Variants in SYNPR observed in about 807,000 individuals in gnomAD.
SYNPR encodes synaptoporin.
SYNPR carries 23 observed loss-of-function variants against 32.9 expected under a neutral mutation model. The observed-to-expected ratio is 0.70, with a 90% confidence interval of 0.50 to 0.99. SYNPR has a LOEUF of 0.99. Among genes scored for constraint, SYNPR ranks in the 50% least tolerant of loss-of-function variants. The pLI is 0.00. For missense variants in SYNPR, 318 were observed against 349.3 expected (o/e 0.91, Z 0.71); for synonymous variants, 146 against 135.9 (o/e 1.07, Z -0.52).
intron 2 of SYNPR, among the ~76,000 whole-genome samples, chr3:63,369,887 A>G (rs942725054): frequency 6.6e-6 from 1 of 152,196 alleles, no homozygotes; most frequent in Admixed American, 6.5e-5. Context: ...CATGAAGACT[A>G]AGAAGAATTT....
chr3:63,344,284 A>G (rs184735028), intron 2 of SYNPR, among the ~76,000 whole-genome samples: 12 of 152,282 alleles, frequency 7.9e-5, no homozygotes, highest in Admixed American at 7.8e-4. Flanking sequence ...TGTCTGCTGC[A>G]CTTCTTCTCT....
At chr3:63,279,441 T>C (rs1418775782) in intron 2 of SYNPR, among the ~76,000 whole-genome samples, 1 of 152,120 alleles carries the variant, frequency 6.6e-6, no homozygotes, top group Non-Finnish European at 1.5e-5. Flanking sequence ...CTTTAGGAAG[T>C]TGTATTCCAC....
At chr3:63,411,326 G>C (rs1194234379) in intron 2 of SYNPR, among the ~76,000 whole-genome samples, 10 of 152,078 alleles carry the variant, frequency 6.6e-5, no homozygotes, top group Admixed American at 6.6e-4. Flanking sequence ...TGTCCTCTTA[G>C]ATCTGTTTGT....
intron 2 of SYNPR, among the ~76,000 whole-genome samples, chr3:63,257,079 C>T (rs1260428405): frequency 6.6e-6 from 1 of 152,006 alleles, no homozygotes; most frequent in Admixed American, 6.6e-5. Flanking sequence ...GTGAAAAGAC[C>T]AAATCTATAT....
chr3:63,307,922 AGTTC>A (rs1274602860), intron 2 of SYNPR, among the ~76,000 whole-genome samples: 1 of 152,032 alleles, frequency 6.6e-6, no homozygotes, highest in Non-Finnish European at 1.5e-5. Flanking sequence ...AGAAGAACAT[AGTTC>A]GTGGCTTTTA....
intron 2 of SYNPR, among the ~76,000 whole-genome samples, chr3:63,468,076 C>T (rs569555025): frequency 2.0e-4 from 30 of 151,614 alleles, no homozygotes; most frequent in Non-Finnish European, 3.8e-4. Flanking sequence ...GCACATGCGT[C>T]CCAGCTACGT....
At chr3:63,309,018 G>A (rs2086935463) in intron 2 of SYNPR, among the ~76,000 whole-genome samples, 1 of 151,960 alleles carries the variant, frequency 6.6e-6, no homozygotes, top group Non-Finnish European at 1.5e-5. Context: ...GATCACTGAT[G>A]CGCTGTTCAT....
At chr3:63,417,003 A>T (rs1202543432) in intron 2 of SYNPR, among the ~76,000 whole-genome samples, 1 of 152,168 alleles carries the variant, frequency 6.6e-6, no homozygotes, top group Admixed American at 6.5e-5. Context: ...TGCCTTCCCA[A>T]CAGTCCCCCA....
chr3:63,611,730 T>C (rs757039688), intron 5 of SYNPR, among the ~76,000 whole-genome samples: 1 of 152,222 alleles, frequency 6.6e-6, no homozygotes. Flanking sequence ...CTCTGCAGTT[T>C]CTAAGTTTAT....
upstream of SYNPR, among the ~76,000 whole-genome samples, chr3:63,227,153 T>C (rs928118847): frequency 6.6e-6 from 1 of 152,212 alleles, no homozygotes; most frequent in Non-Finnish European, 1.5e-5. Context: ...TTATCCACTT[T>C]TGGGAGGGGC....
At chr3:63,589,164 C>T (rs1253088519) in intron 4 of SYNPR, among the ~76,000 whole-genome samples, 1 of 152,096 alleles carries the variant, frequency 6.6e-6, no homozygotes, top group Admixed American at 6.6e-5. Context: ...AGTCCTGAGA[C>T]TGCTTTGAGA....
At chr3:63,240,980 C>A (rs7428675) in intron 1 of SYNPR, among the ~76,000 whole-genome samples, 1 of 151,982 alleles carries the variant, frequency 6.6e-6, no homozygotes, top group South Asian at 2.1e-4. Context: ...AGACCAAGTT[C>A]TAAAGCAGGA....
chr3:63,457,305 T>C (rs1479165757), intron 2 of SYNPR, among the ~76,000 whole-genome samples: 1 of 152,166 alleles, frequency 6.6e-6, no homozygotes, highest in East Asian at 1.9e-4. Context: ...ATACTTTTTA[T>C]TCTAGTCATG....
At position 63,479,109 on chromosome 3, in the gene SYNPR, C is replaced by T. The variant is rs1700991958; in HGVS notation, c.85-1723C>T. ...ATAGCTTCTGAATGCTTCATCAAAT[C>T]CTGTGCAACGAAAGCTAACAAAGTT... On this transcript the variant is annotated intron_variant, in intron 2 of 5. Transcript: ENST00000478300. Among the ~76,000 whole-genome samples, 6 of 152,230 alleles carry T rather than the reference C, an allele frequency of 3.9e-5. No individual in the cohort carries two copies. In the South Asian group the frequency reaches 1.2e-3, roughly 32 times the overall value.
chr3:63,263,749 G>A (rs1363762448), intron 2 of SYNPR, among the ~76,000 whole-genome samples: 1 of 152,204 alleles, frequency 6.6e-6, no homozygotes, highest in East Asian at 1.9e-4. Context: ...TACCCTGGCT[G>A]TGCAGTGGGT....
chr3:63,338,191 G>C (rs1226041666), intron 2 of SYNPR, among the ~76,000 whole-genome samples: 2 of 152,122 alleles, frequency 1.3e-5, no homozygotes, highest in Non-Finnish European at 2.9e-5. Flanking sequence ...AATAAATAAA[G>C]TTTATTTGTT....
intron 2 of SYNPR, among the ~76,000 whole-genome samples, chr3:63,309,816 C>T (rs2086944930): frequency 6.6e-6 from 1 of 152,012 alleles, no homozygotes; most frequent in Non-Finnish European, 1.5e-5. Flanking sequence ...CTCTGTGCTA[C>T]ACACTTTATC....
At chr3:63,421,073 A>C (rs1699789321) in intron 2 of SYNPR, among the ~76,000 whole-genome samples, 1 of 151,936 alleles carries the variant, frequency 6.6e-6, no homozygotes, top group Non-Finnish European at 1.5e-5. Context: ...GTAGAGATGG[A>C]GTCTCCCTAT....
intron 2 of SYNPR, among the ~76,000 whole-genome samples, chr3:63,400,044 A>G (rs2088270334): frequency 6.6e-6 from 1 of 152,234 alleles, no homozygotes; most frequent in Non-Finnish European, 1.5e-5. Context: ...CCCATTCTGC[A>G]GAGGATGAGC....
Sources: gnomAD v4.1 joint callset for allele counts (sites outside exome capture counted in the v4.1 genomes callset) on GRCh38, gnomAD v4.1.1 for gene constraint, MANE v1.5 for transcripts, NCBI Gene and HGNC (gene_info 2026-07-23, HGNC 2026-07-21) for gene names.